The following MCTP1 variants were observed in gnomAD, a reference collection of about 807,000 sequenced individuals.
MCTP1 encodes multiple C2 and transmembrane domain-containing protein 1.
A neutral mutation model predicts 120.6 loss-of-function variants in MCTP1; 69 were observed. The observed-to-expected ratio is 0.57, with a 90% CI of 0.47 to 0.70. The LOEUF (loss-of-function observed/expected upper bound fraction) is 0.70, where lower values mean the gene tolerates loss of function less well. Among genes scored for constraint, MCTP1 ranks in the 30% least tolerant of loss-of-function variants. MCTP1 has a pLI of 0.00. For missense variants in MCTP1, 1,203 were observed against 1,248.8 expected, an observed-to-expected ratio of 0.96 and a Z score of 0.55; for synonymous variants, 529 against 493.1, an observed-to-expected ratio of 1.07 and a Z score of -0.96.
In MCTP1 at chr5:94,707,362, TTTAC is replaced by T; in HGVS notation, c.*130_*133del. 1 of 668,814 alleles carries T rather than the reference TTTAC, an allele frequency of 1.5e-6. No individual in the cohort carries two copies. The highest frequency in any genetic ancestry group is 2.6e-6 in the Non-Finnish European group (1 of 383,922). 41.4% of individuals were successfully genotyped at this position (668,814 alleles called of 1,614,324 possible). ...CAAAGACATATGCCTTTGTACACTA[TTTAC>T]AGATTCTCTCGATCATGATAAAAAG... On this transcript the variant is annotated 3_prime_UTR_variant, in exon 23 of 23. Coordinates refer to ENST00000515393, the MANE Select transcript of MCTP1 (RefSeq NM_024717.7).
intron 17 of MCTP1, among the ~76,000 whole-genome samples, chr5:94,855,008 C>G (rs772807392): frequency 1.3e-5 from 2 of 151,700 alleles, no homozygotes; most frequent in Non-Finnish European, 2.9e-5. Flanking sequence ...TTTCATCATC[C>G]ACAATTTCAG....
chr5:94,897,184 C>T lies in MCTP1; in HGVS notation c.1653-2349G>A, dbSNP rs560818572. 4.0e-5 allele frequency among the ~76,000 whole-genome samples: 6 copies of T among 151,490 alleles called. No homozygotes were observed. In the East Asian group the frequency reaches 1.2e-3, roughly 30 times the overall value. ...CTTGGGTGATTCTTCCCACTTCAGC[C>T]TCCAGGTAGCTGGGACTACGGGTGC... On this transcript the variant is annotated intron_variant, in intron 10 of 22. Coordinates refer to ENST00000515393, the MANE Select transcript of MCTP1 (RefSeq NM_024717.7).
At chr5:95,225,851 T>C (rs1011774815) in intron 1 of MCTP1, among the ~76,000 whole-genome samples, 1 of 152,184 alleles carries the variant, frequency 6.6e-6, no homozygotes, top group Non-Finnish European at 1.5e-5. Flanking sequence ...CTTTAGAAGA[T>C]ATTTTAATGT....
At position 94,970,981 on chromosome 5, in the gene MCTP1, C is replaced by A. The variant is rs79796479; in HGVS notation, c.839-17620G>T. ...CAGCCCTTTTCATCTGTGGGTCACA[C>A]TGGGTATTATTAATTGCAATGATTC... On this transcript the variant is annotated intron_variant, in intron 2 of 22. Coordinates refer to ENST00000515393, the MANE Select transcript of MCTP1 (RefSeq NM_024717.7). 5.5e-3 allele frequency among the ~76,000 whole-genome samples: 829 copies of A among 151,970 alleles called. 5 individuals are homozygous for A. Among genetic ancestry groups the A allele is most frequent in the African/African-American group, 0.019 (790 of 41,452 alleles).
intron 7 of MCTP1, among the ~76,000 whole-genome samples, chr5:94,918,911 C>A (rs1215016744): frequency 1.3e-5 from 2 of 152,144 alleles, no homozygotes; most frequent in African/African-American, 4.8e-5. Context: ...CCACTCAAAG[C>A]CAAATGACTA....
chr5:95,051,230 G>A (rs1461072085), intron 1 of MCTP1, among the ~76,000 whole-genome samples: 1 of 152,066 alleles, frequency 6.6e-6, no homozygotes, highest in African/African-American at 2.4e-5. Flanking sequence ...TAAGAACTGG[G>A]CTCTAGGCTA....
At chr5:94,948,716 T>C (rs543006075) in intron 3 of MCTP1, among the ~76,000 whole-genome samples, 15 of 152,250 alleles carry the variant, frequency 9.9e-5, no homozygotes, top group African/African-American at 3.4e-4. Flanking sequence ...ATACAGAAGC[T>C]TGGACTCTAC....
At chr5:94,882,181 C>T (rs1800243213) in intron 12 of MCTP1, among the ~76,000 whole-genome samples, 1 of 152,152 alleles carries the variant, frequency 6.6e-6, no homozygotes, top group Non-Finnish European at 1.5e-5. Context: ...TATACATATA[C>T]TGGTCTCACA....
At chr5:95,027,830 C>T (rs964250) in intron 1 of MCTP1, among the ~76,000 whole-genome samples, 1 of 152,164 alleles carries the variant, frequency 6.6e-6, no homozygotes, top group African/African-American at 2.4e-5. Flanking sequence ...GAATATAATA[C>T]GAAAAGAACG....
At chr5:95,066,529 T>C (rs1016766300) in intron 1 of MCTP1, among the ~76,000 whole-genome samples, 6 of 152,142 alleles carry the variant, frequency 3.9e-5, no homozygotes, top group African/African-American at 1.4e-4. Flanking sequence ...AATCAGTGTG[T>C]CAAAGGGATA....
At chr5:94,865,853 C>T (rs1390855172) in intron 17 of MCTP1, among the ~76,000 whole-genome samples, 1 of 130,134 alleles carries the variant, frequency 7.7e-6, no homozygotes, top group Non-Finnish European at 1.8e-5. Context: ...AAAACTAACA[C>T]TATCTACTTC....
intron 1 of MCTP1, among the ~76,000 whole-genome samples, chr5:95,087,279 C>G: frequency 6.6e-6 from 1 of 152,266 alleles, no homozygotes. Flanking sequence ...AAGAATTAAA[C>G]TTTGAAATAA....
intron 19 of MCTP1, among the ~76,000 whole-genome samples, chr5:94,771,050 A>G (rs568283051): frequency 1.3e-5 from 2 of 152,226 alleles, no homozygotes; most frequent in Non-Finnish European, 2.9e-5. Context: ...ATCACAATCA[A>G]GCCAAACACC....
At chr5:94,977,906 C>A (rs567727438) in intron 2 of MCTP1, among the ~76,000 whole-genome samples, 46 of 151,912 alleles carry the variant, frequency 3.0e-4, no homozygotes, top group Non-Finnish European at 5.7e-4. Flanking sequence ...AGTATGACAC[C>A]AAAAGCACAG....
intron 1 of MCTP1, among the ~76,000 whole-genome samples, chr5:95,097,572 G>T (rs10038721): frequency 0.99 from 151,384 of 152,362 alleles, 75,216 homozygotes; most frequent in Middle Eastern, 1. Flanking sequence ...TGCACTGCAA[G>T]AGCAAATAAT....
intron 1 of MCTP1, among the ~76,000 whole-genome samples, chr5:95,201,697 G>C: frequency 6.6e-6 from 1 of 151,486 alleles, no homozygotes; most frequent in Admixed American, 6.6e-5. Flanking sequence ...GAGAGACAGG[G>C]TTTCACCATG....
intron 1 of MCTP1, among the ~76,000 whole-genome samples, chr5:95,186,156 C>A: frequency 6.9e-6 from 1 of 144,308 alleles, no homozygotes; most frequent in South Asian, 2.2e-4. Context: ...TGAAATAAGG[C>A]AAGAGAAAGA....
At chr5:94,764,199 T>C (rs115831302) in intron 19 of MCTP1, among the ~76,000 whole-genome samples, 1,733 of 152,302 alleles carry the variant, frequency 0.011, 26 homozygotes, top group Non-Finnish European at 0.017. Flanking sequence ...GAAAGTCACA[T>C]GGACAAGTCT....
chr5:95,131,458 T>C (rs1166301729), intron 1 of MCTP1, among the ~76,000 whole-genome samples: 3 of 152,200 alleles, frequency 2.0e-5, no homozygotes, highest in Non-Finnish European at 2.9e-5. Flanking sequence ...TGAGAGTTAA[T>C]AATATAACAC....
Sources: gnomAD v4.1 joint callset for allele counts (sites outside exome capture counted in the v4.1 genomes callset) on GRCh38, gnomAD v4.1.1 for gene constraint, MANE v1.5 for transcripts, NCBI Gene and HGNC (gene_info 2026-07-23, HGNC 2026-07-21) for gene names.